Variants in SPECC1 observed in about 807,000 individuals in gnomAD.
The protein encoded by SPECC1 is cytospin-B.
SPECC1 carries 62 observed loss-of-function variants against 104.1 expected under a neutral mutation model. The ratio of observed to expected loss-of-function variants is 0.60; its 90% CI spans 0.49 to 0.74. The LOEUF is 0.74. Among genes scored for constraint, SPECC1 ranks in the 30% least tolerant of loss-of-function variants. SPECC1 has a pLI of 0.00. For missense variants in SPECC1, 1,306 were observed against 1,310.5 expected, an observed-to-expected ratio of 1.00 and a Z score of 0.05; for synonymous variants, 513 against 501.6, an observed-to-expected ratio of 1.02 and a Z score of -0.30.
At chr17:20,204,278 T>G in intron 3 of SPECC1, 55 bp from the exon 4 acceptor site, 1 of 1,553,002 alleles carries the variant, frequency 6.4e-7, no homozygotes, top group East Asian at 2.2e-5. Flanking sequence ...ATTTGGGTTT[T>G]GTTTATAAGA....
intron 3 of SPECC1, among the ~76,000 whole-genome samples, chr17:20,156,512 C>G (rs1486703733): frequency 6.6e-6 from 1 of 152,154 alleles, no homozygotes; most frequent in Non-Finnish European, 1.5e-5. Flanking sequence ...TTCCCCACTC[C>G]GCGCCTGGCC....
In SPECC1 at chr17:20,317,426, T is replaced by C. The variant is rs976855253; in HGVS notation, c.*3361T>C. On this transcript the variant is annotated 3_prime_UTR_variant, in exon 15 of 15. Transcript: ENST00000395527. ...TAGGCACATGCCACCATGCCTGGCA[T>C]ATTTTTGTATTTTTAGTAGAAACAG... The C allele has an allele frequency of 1.6e-4, 28 of 176,076 alleles. No individual in the cohort carries two copies. The highest frequency in any genetic ancestry group is 6.4e-4 in the African/African-American group (27 of 42,086). 10.9% of individuals were successfully genotyped at this position (176,076 alleles called of 1,614,324 possible).
At chr17:20,279,287 G>A (rs1420976165) in intron 12 of SPECC1, among the ~76,000 whole-genome samples, 1 of 151,582 alleles carries the variant, frequency 6.6e-6, no homozygotes, top group African/African-American at 2.4e-5. Flanking sequence ...AAGGTTAACG[G>A]AGTTGAAGGT....
chr17:20,242,979 G>A (rs2039269930), intron 7 of SPECC1, among the ~76,000 whole-genome samples: 1 of 152,130 alleles, frequency 6.6e-6, no homozygotes, highest in African/African-American at 2.4e-5. Flanking sequence ...TTTAAGCATG[G>A]CCCCTAAACA....
At chr17:20,133,420 A>C (rs2049760256) in intron 3 of SPECC1, among the ~76,000 whole-genome samples, 1 of 151,942 alleles carries the variant, frequency 6.6e-6, no homozygotes, top group Non-Finnish European at 1.5e-5. Flanking sequence ...CCTTAATAGA[A>C]TCTCCTACTT....
intron 1 of SPECC1, among the ~76,000 whole-genome samples, chr17:20,058,725 A>G (rs1481617951): frequency 2.0e-5 from 3 of 151,808 alleles, no homozygotes; most frequent in African/African-American, 7.3e-5. Flanking sequence ...GCGGTCCCCA[A>G]CCTTTTTGGC....
Position 20,316,166 on chromosome 17 carries a change from C to G in SPECC1, c.*2101C>G, listed in dbSNP as rs779494699. On this transcript the variant is annotated 3_prime_UTR_variant, in exon 15 of 15. Transcript: ENST00000395527. ...TGCTGATTCAGGCACTTGTTTGAAG[C>G]ATTTTTTTTTTATTAACCCTGTACT... 2.5e-4 allele frequency: 57 copies of G among 230,526 alleles called. No individual in the cohort carries two copies. The highest frequency in any genetic ancestry group is 4.6e-4 in the Non-Finnish European group (54 of 116,474). The allele number at this position is 230,526 out of a possible 1,614,324, so 14.3% of individuals were successfully genotyped here.
intron 1 of SPECC1, among the ~76,000 whole-genome samples, chr17:20,052,323 T>C (rs2045803952): frequency 6.6e-6 from 1 of 152,216 alleles, no homozygotes; most frequent in Non-Finnish European, 1.5e-5. Context: ...CATCTACAGT[T>C]GGTCATGTTT....
At chr17:20,275,915 G>T (rs1362057080) in intron 12 of SPECC1, among the ~76,000 whole-genome samples, 1 of 151,990 alleles carries the variant, frequency 6.6e-6, no homozygotes, top group Non-Finnish European at 1.5e-5. Context: ...GAGAGATTAT[G>T]TTCCAGATAT....
intron 1 of SPECC1, among the ~76,000 whole-genome samples, chr17:20,028,310 T>A (rs561250573): frequency 6.6e-6 from 1 of 151,994 alleles, no homozygotes. Context: ...CAGACCTATT[T>A]GTTGAAAAGA....
intron 3 of SPECC1, among the ~76,000 whole-genome samples, chr17:20,157,987 A>G (rs2032758056): frequency 2.0e-5 from 3 of 152,292 alleles, no homozygotes; most frequent in Non-Finnish European, 4.4e-5. Context: ...AAAAACTTTA[A>G]ATGCTGGATT....
At chr17:20,194,502 A>ATTATTATTATTTTTTTTTTTTTT in intron 3 of SPECC1, among the ~76,000 whole-genome samples, 8 of 86,566 alleles carry the variant, frequency 9.2e-5, no homozygotes, top group Admixed American at 4.2e-4. Flanking sequence ...AAGAGAACGA[A>ATTATTATTATTTTTTTTTTTTTT]TTTTTTTTTT....
intron 7 of SPECC1, among the ~76,000 whole-genome samples, chr17:20,245,279 C>G (rs2039372657): frequency 6.6e-6 from 1 of 152,164 alleles, no homozygotes; most frequent in Non-Finnish European, 1.5e-5. Context: ...GGACAGGAGC[C>G]TTAACTTCAG....
At chr17:20,270,978 T>C (rs1249259281) in intron 12 of SPECC1, among the ~76,000 whole-genome samples, 2 of 152,232 alleles carry the variant, frequency 1.3e-5, no homozygotes, top group African/African-American at 2.4e-5. Flanking sequence ...GTTATTTATA[T>C]CTTTCTTCTG....
chr17:20,208,782 A>G (rs2036948451), intron 4 of SPECC1, among the ~76,000 whole-genome samples: 1 of 152,102 alleles, frequency 6.6e-6, no homozygotes, highest in Non-Finnish European at 1.5e-5. Context: ...TTATGCAAGT[A>G]TTTGCTAAGA....
intron 3 of SPECC1, among the ~76,000 whole-genome samples, chr17:20,124,882 C>T (rs921918590): frequency 6.6e-6 from 1 of 152,054 alleles, no homozygotes; most frequent in Non-Finnish European, 1.5e-5. Context: ...GTGATTTTTG[C>T]CATTTTAAAA....
At chr17:20,026,085 A>T (rs1231237930) in intron 1 of SPECC1, among the ~76,000 whole-genome samples, 1 of 151,398 alleles carries the variant, frequency 6.6e-6, no homozygotes, top group African/African-American at 2.4e-5. Flanking sequence ...CTTGAGTTGT[A>T]GGAGTTCTTT....
chr17:20,285,576 T>G (rs2040915361), intron 12 of SPECC1, among the ~76,000 whole-genome samples: 1 of 152,204 alleles, frequency 6.6e-6, no homozygotes, highest in Non-Finnish European at 1.5e-5. Context: ...TAATTTGTAA[T>G]TAGTAACTAG....
At chr17:20,170,682 C>G (rs1443156587) in intron 3 of SPECC1, among the ~76,000 whole-genome samples, 1 of 151,846 alleles carries the variant, frequency 6.6e-6, no homozygotes, top group Non-Finnish European at 1.5e-5. Flanking sequence ...TGTTATTTTT[C>G]CTTTTTAACT....
Sources: gnomAD v4.1 joint callset for allele counts (sites outside exome capture counted in the v4.1 genomes callset) on GRCh38, gnomAD v4.1.1 for gene constraint, MANE v1.5 for transcripts, NCBI Gene and HGNC (gene_info 2026-07-23, HGNC 2026-07-21) for gene names.